The following CAMTA1 variants were observed in gnomAD, a reference collection of about 807,000 sequenced individuals.
The protein encoded by CAMTA1 is calmodulin binding transcription activator 1.
A neutral mutation model predicts 170.9 loss-of-function variants in CAMTA1; 27 were observed. The observed-to-expected ratio is 0.16, with a 90% CI of 0.12 to 0.22. The LOEUF (loss-of-function observed/expected upper bound fraction) is 0.22. CAMTA1 is among the 10% of genes least tolerant of loss of function. The pLI is 1.00. For missense variants in CAMTA1, 1,619 were observed against 2,217.2 expected, an observed-to-expected ratio of 0.73 and a Z score of 5.42; for synonymous variants, 833 against 891.5, an observed-to-expected ratio of 0.93 and a Z score of 1.17.
chr1:7,423,258 G>A (rs572613288), intron 5 of CAMTA1, among the ~76,000 whole-genome samples: 33 of 152,290 alleles, frequency 2.2e-4, no homozygotes, highest in African/African-American at 7.7e-4. Flanking sequence ...ATCACCAGAG[G>A]TCAGGAGCTC....
chr1:7,731,705 CAAAACA>C (rs1017591349), intron 11 of CAMTA1, among the ~76,000 whole-genome samples: 4 of 152,004 alleles, frequency 2.6e-5, no homozygotes, highest in African/African-American at 4.8e-5. Context: ...TCCATCTCTA[CAAAACA>C]AAAACAAAAA....
chr1:7,150,681 G>A (rs1026743746), intron 4 of CAMTA1, among the ~76,000 whole-genome samples: 1 of 152,052 alleles, frequency 6.6e-6, no homozygotes, highest in Non-Finnish European at 1.5e-5. Context: ...ATGCAAAGAT[G>A]TAACTCTCGG....
chr1:7,630,999 T>C (rs1005186690), intron 6 of CAMTA1, among the ~76,000 whole-genome samples: 2 of 152,206 alleles, frequency 1.3e-5, no homozygotes, highest in African/African-American at 4.8e-5. Context: ...AGCTGCCAAC[T>C]TTGGGGACCT....
intron 22 of CAMTA1, among the ~76,000 whole-genome samples, chr1:7,760,087 T>G (rs1350867128): frequency 6.6e-6 from 1 of 152,236 alleles, no homozygotes; most frequent in East Asian, 1.9e-4. Flanking sequence ...TATAAACTGC[T>G]GGCCTAGTCA....
chr1:7,298,352 A>G (rs993881830), intron 5 of CAMTA1, among the ~76,000 whole-genome samples: 8 of 151,990 alleles, frequency 5.3e-5, no homozygotes, highest in South Asian at 4.1e-4. Context: ...TTTCCTCTCT[A>G]TGAAAGTCAC....
At chr1:7,230,013 G>T (rs561654019) in intron 4 of CAMTA1, among the ~76,000 whole-genome samples, 3 of 152,148 alleles carry the variant, frequency 2.0e-5, no homozygotes, top group African/African-American at 7.2e-5. Context: ...TGTTCCTGGG[G>T]CGCTTTCACC....
intron 3 of CAMTA1, among the ~76,000 whole-genome samples, chr1:6,961,452 C>T (rs1024581276): frequency 3.9e-5 from 6 of 152,170 alleles, no homozygotes; most frequent in East Asian, 3.9e-4. Context: ...GGTGCTGGGC[C>T]GGCAAGAAGG....
intron 3 of CAMTA1, among the ~76,000 whole-genome samples, chr1:6,926,436 T>TTCTC (rs749607908): frequency 1.8e-5 from 2 of 109,216 alleles, no homozygotes; most frequent in Admixed American, 1.0e-4. Context: ...TTTCTTTCTT[T>TTCTC]TCTCTTTCTT....
intron 6 of CAMTA1, among the ~76,000 whole-genome samples, chr1:7,519,278 C>A (rs2094328506): frequency 6.6e-6 from 1 of 151,976 alleles, no homozygotes; most frequent in Non-Finnish European, 1.5e-5. Flanking sequence ...GGCAGGTGGG[C>A]AGGGGCCAGG....
chr1:7,502,920 C>T (rs562176787), intron 6 of CAMTA1, among the ~76,000 whole-genome samples: 14 of 152,294 alleles, frequency 9.2e-5, no homozygotes, highest in South Asian at 8.3e-4. Context: ...CCCCCTGCCC[C>T]GCACCCCATG....
chr1:6,931,687 G>T lies in CAMTA1; in HGVS notation c.234+106477G>T, dbSNP rs114135496. 7.6e-3 allele frequency among the ~76,000 whole-genome samples: 1,153 copies of T among 152,300 alleles called. 15 individuals carry two copies. Among genetic ancestry groups the T allele is most frequent in the African/African-American group, 0.026 (1,070 of 41,566 alleles). On this transcript the variant is annotated intron_variant, in intron 3 of 22. Transcript: ENST00000303635. ...TCATGGGATTTGCCTACGCTACGTG[G>T]CTGGGCTGCCTCGCTGTGCACACAT...
At chr1:7,155,046 G>A (rs1042548082) in intron 4 of CAMTA1, among the ~76,000 whole-genome samples, 1 of 152,190 alleles carries the variant, frequency 6.6e-6, no homozygotes, top group African/African-American at 2.4e-5. Flanking sequence ...CCCTTCTCCA[G>A]CCAGGATGAG....
At chr1:7,181,490 G>A (rs564271908) in intron 4 of CAMTA1, among the ~76,000 whole-genome samples, 1 of 152,236 alleles carries the variant, frequency 6.6e-6, no homozygotes, top group East Asian at 1.9e-4. Flanking sequence ...GATAACCCTA[G>A]AGAATCAATG....
chr1:7,188,126 T>C (rs1402038995), intron 4 of CAMTA1, among the ~76,000 whole-genome samples: 1 of 152,062 alleles, frequency 6.6e-6, no homozygotes, highest in African/African-American at 2.4e-5. Flanking sequence ...TCACGAGAAC[T>C]CACTCATTAT....
intron 3 of CAMTA1, among the ~76,000 whole-genome samples, chr1:6,977,238 G>A (rs987385159): frequency 2.1e-4 from 32 of 152,226 alleles, no homozygotes; most frequent in African/African-American, 5.5e-4. Context: ...AACAGATGCC[G>A]ATGCCCAGCA....
chr1:7,295,903 GGGCCA>G (rs1673860206), intron 5 of CAMTA1, among the ~76,000 whole-genome samples: 1 of 152,214 alleles, frequency 6.6e-6, no homozygotes, highest in Non-Finnish European at 1.5e-5. Flanking sequence ...CTGTGGGCTG[GGGCCA>G]GGCATAGCTC....
intron 3 of CAMTA1, among the ~76,000 whole-genome samples, chr1:6,915,786 C>T: frequency 6.6e-6 from 1 of 152,144 alleles, no homozygotes; most frequent in Non-Finnish European, 1.5e-5. Flanking sequence ...AGCAGTGATC[C>T]TATATGCTGG....
Position 7,226,840 on chromosome 1 carries a change from A to T in CAMTA1, c.303-22651A>T, listed in dbSNP as rs543977459. Among the ~76,000 whole-genome samples, 583 of 148,870 alleles carry T rather than the reference A, an allele frequency of 3.9e-3. 5 individuals are homozygous for T. Among genetic ancestry groups the T allele is most frequent in the African/African-American group, 0.013 (537 of 40,586 alleles). ...TTAACTGAAGCCTTTTTTATTTTTTATTTTTTTTTTGAGATGGAGTCTCGC... is the reference window on the plus strand; with the variant it reads ...TTAACTGAAGCCTTTTTTATTTTTTTTTTTTTTTTTGAGATGGAGTCTCGC... On this transcript the variant is annotated intron_variant, in intron 4 of 22. Transcript: ENST00000303635.
chr1:6,941,168 G>A (rs1686541459), intron 3 of CAMTA1, among the ~76,000 whole-genome samples: 1 of 152,078 alleles, frequency 6.6e-6, no homozygotes, highest in East Asian at 1.9e-4. Flanking sequence ...TGCCCCTCTG[G>A]TATGTCTGAA....
Sources: gnomAD v4.1 joint callset for allele counts (sites outside exome capture counted in the v4.1 genomes callset) on GRCh38, gnomAD v4.1.1 for gene constraint, MANE v1.5 for transcripts, NCBI Gene and HGNC (gene_info 2026-07-23, HGNC 2026-07-21) for gene names.